Variants in ENTPD3 observed in about 807,000 individuals in gnomAD.
The protein encoded by ENTPD3 is CD39 antigen-like 3.
A neutral mutation model predicts 51.2 loss-of-function variants in ENTPD3; 60 were observed. That is an observed-to-expected ratio of 1.17 (90% CI 0.95 to 1.45). ENTPD3 has a LOEUF of 1.45. ENTPD3 is among the 40% of genes most tolerant of loss of function. The pLI is 0.00. For missense variants in ENTPD3, 593 were observed against 641.1 expected (o/e 0.93, Z 0.81); for synonymous variants, 221 against 238.4 (o/e 0.93, Z 0.67).
chr3:40,419,462 C>T (rs938475048), intron 7 of ENTPD3, among the ~76,000 whole-genome samples: 1 of 152,114 alleles, frequency 6.6e-6, no homozygotes, highest in African/African-American at 2.4e-5. Context: ...TGTTGTTCTA[C>T]TTGCAAAAGT....
At chr3:40,401,382 T>G (rs1023713558) in intron 4 of ENTPD3, among the ~76,000 whole-genome samples, 13 of 152,220 alleles carry the variant, frequency 8.5e-5, no homozygotes, top group African/African-American at 2.4e-4. Context: ...CAGCATTTTC[T>G]TATACTGGTT....
In ENTPD3 at chr3:40,427,592, T is replaced by TTGA; in HGVS notation, c.*84_*85insTGA. The stretch of plus-strand genomic sequence containing the variant: ...GGCAATGCAGGTGAAGTGGCTGCCT[T>TTGA]CAGGAAATACAACTAACTAAAATCA... On this transcript the variant is annotated 3_prime_UTR_variant, in exon 11 of 11. Coordinates refer to ENST00000301825, the MANE Select transcript of ENTPD3 (RefSeq NM_001248.4). The TTGA allele has an allele frequency of 9.8e-7, 1 of 1,017,926 alleles. No homozygotes were observed. Among genetic ancestry groups the TTGA allele is most frequent in the African/African-American group, 1.6e-5 (1 of 63,156 alleles). The allele number at this position is 1,017,926 out of a possible 1,614,324, so 63.1% of individuals were successfully genotyped here.
At chr3:40,408,332 T>C (rs1049170312) in intron 4 of ENTPD3, among the ~76,000 whole-genome samples, 3 of 152,244 alleles carry the variant, frequency 2.0e-5, no homozygotes, top group East Asian at 1.9e-4. Flanking sequence ...TAAAAACATA[T>C]ACTAAAGTGT....
intron 7 of ENTPD3, among the ~76,000 whole-genome samples, chr3:40,418,449 C>T (rs370785703): frequency 2.5e-4 from 38 of 152,092 alleles, no homozygotes; most frequent in African/African-American, 8.0e-4. Flanking sequence ...TAAGGAACTA[C>T]GTAGTGTGGT....
At chr3:40,390,958 T>G (rs931575020) in intron 2 of ENTPD3, 1 of 152,190 alleles carries the variant, frequency 6.6e-6, no homozygotes, top group South Asian at 2.1e-4. Context: ...GTACTAATTT[T>G]TTTATTTTTA....
rs1955469710 is a variant in ENTPD3 at position 40,405,479 on chromosome 3, TGGG to T, written c.286+4469_286+4471del. ...GAAATCATGCCACTGCACTCCAGCC[TGGG>T]TGACAGAGCGAGACTTCATTTCAAA... On this transcript the variant is annotated intron_variant, in intron 4 of 10. Transcript: ENST00000301825. Among the ~76,000 whole-genome samples, 4 of 150,536 alleles carry T rather than the reference TGGG, an allele frequency of 2.7e-5. No individual in the cohort carries two copies. In the South Asian group the frequency reaches 8.6e-4, roughly 32 times the overall value.
At chr3:40,416,340 G>T (rs1200858349) in intron 7 of ENTPD3, among the ~76,000 whole-genome samples, 1 of 152,268 alleles carries the variant, frequency 6.6e-6, no homozygotes, top group East Asian at 1.9e-4. Context: ...TTTTGTAAAT[G>T]ACTCAAGACC....
chr3:40,412,215 T>C (rs1201696611), intron 5 of ENTPD3, among the ~76,000 whole-genome samples: 1 of 152,156 alleles, frequency 6.6e-6, no homozygotes, highest in East Asian at 1.9e-4. Flanking sequence ...AAGAGAGAGG[T>C]CATATGAAAT....
Position 40,395,001 on chromosome 3 carries a change from T to C in ENTPD3, c.168+2851T>C, listed in dbSNP as rs191607324. The stretch of plus-strand genomic sequence containing the variant: ...AAGACTTCAGAATCTAGGGTCTTCG[T>C]GGACCTCCAGAAGGTGGACATCACC... On this transcript the variant is annotated intron_variant, in intron 3 of 10. Coordinates refer to ENST00000301825, the MANE Select transcript of ENTPD3 (RefSeq NM_001248.4). Among the ~76,000 whole-genome samples, 463 of 152,258 alleles carry C rather than the reference T, an allele frequency of 3.0e-3. 1 individual carries two copies. Among genetic ancestry groups the C allele is most frequent in the Middle Eastern group, 0.01 (3 of 294 alleles).
intron 4 of ENTPD3, 140 bp downstream of exon 4, chr3:40,401,151 G>A (rs183859179): frequency 4.3e-5 from 30 of 691,412 alleles, no homozygotes; most frequent in Non-Finnish European, 6.5e-5. Context: ...ATAGGAGATC[G>A]TGTGCTAGTG....
At chr3:40,426,541 T>C (rs1476344159) in intron 10 of ENTPD3, among the ~76,000 whole-genome samples, 1 of 152,186 alleles carries the variant, frequency 6.6e-6, no homozygotes, top group African/African-American at 2.4e-5. Flanking sequence ...GGACTAAACC[T>C]ACCAGTTAAA....
intron 7 of ENTPD3, among the ~76,000 whole-genome samples, chr3:40,416,749 C>T (rs1955757147): frequency 6.6e-6 from 1 of 152,176 alleles, no homozygotes; most frequent in African/African-American, 2.4e-5. Flanking sequence ...GCTCAGGGGA[C>T]ATCAATCTTA....
chr3:40,387,824 G>T (rs1409211068), intron 1 of ENTPD3, among the ~76,000 whole-genome samples: 2 of 152,198 alleles, frequency 1.3e-5, no homozygotes, highest in East Asian at 3.8e-4. Flanking sequence ...TGAAGTTTCA[G>T]CAAATCCATT....
intron 7 of ENTPD3, among the ~76,000 whole-genome samples, chr3:40,418,861 C>T (rs4973998): frequency 0.25 from 38,075 of 151,732 alleles, 5,772 homozygotes; most frequent in East Asian, 0.48. Context: ...TTTTAAAATA[C>T]GATTTTTTAT....
intron 4 of ENTPD3, among the ~76,000 whole-genome samples, chr3:40,411,156 T>C (rs1955619802): frequency 6.6e-6 from 1 of 151,468 alleles, no homozygotes; most frequent in South Asian, 2.1e-4. Context: ...CCAGGCGTGG[T>C]GGTGCACGCC....
At chr3:40,419,672 G>T (rs1955820605) in intron 7 of ENTPD3, among the ~76,000 whole-genome samples, 1 of 152,150 alleles carries the variant, frequency 6.6e-6, no homozygotes, top group African/African-American at 2.4e-5. Flanking sequence ...TTCTTGGCTT[G>T]TATCCTTCAA....
chr3:40,392,119 A>T lies in ENTPD3; in HGVS notation c.137A>T (p.His46Leu). 1 of 1,614,206 alleles carries T rather than the reference A, an allele frequency of 6.2e-7. No individual in the cohort carries two copies. The highest frequency in any genetic ancestry group is 8.5e-7 in the Non-Finnish European group (1 of 1,180,034). ...VLVSITVIQI[H>L]KQEVLPPGLK... Reference sequence around the variant, plus strand: ...GTGAGTATCACTGTCATCCAGATCCACAAGCAAGAGGTCCTCCCTCCAGGA... The same window carrying T: ...GTGAGTATCACTGTCATCCAGATCCTCAAGCAAGAGGTCCTCCCTCCAGGA... Residue 46 changes from histidine (H) to leucine (L), a missense_variant, in exon 3 of 11, where the codon CAC becomes CTC. Physicochemically the swap from His to Leu is moderately conservative, Grantham distance 99 (BLOSUM62 -3). Coordinates refer to ENST00000301825, the MANE Select transcript of ENTPD3 (RefSeq NM_001248.4).
Position 40,423,333 on chromosome 3 carries a change from T to G in ENTPD3, c.1147T>G (p.Ser383Ala), listed in dbSNP as rs1559519331. The change falls in exon 9 of 11, where the codon TCA (serine) becomes GCA (alanine). Residue 383 changes from serine to alanine, a missense_variant. Ser to Ala is a moderately conservative substitution (Grantham distance 99, BLOSUM62 1). Coordinates refer to ENST00000301825, the MANE Select transcript of ENTPD3 (RefSeq NM_001248.4). ...CTACACAGCCAGTGCTTTAAATCTTTCAGGTAGCTTTTCCCTGGACACCTT... is the reference window on the plus strand; with the variant it reads ...CTACACAGCCAGTGCTTTAAATCTTGCAGGTAGCTTTTCCCTGGACACCTT... ...FYYTASALNL[S>A]GSFSLDTFNS... The G allele has an allele frequency of 1.2e-6, 2 of 1,614,132 alleles. No homozygotes were observed. The highest frequency in any genetic ancestry group is 8.5e-7 in the Non-Finnish European group (1 of 1,179,992).
At chr3:40,388,989 A>G (rs891880162) in intron 2 of ENTPD3, among the ~76,000 whole-genome samples, 1 of 152,276 alleles carries the variant, frequency 6.6e-6, no homozygotes, top group Admixed American at 6.5e-5. Context: ...ATGCCCCTAA[A>G]TTGGGTATTC....
Sources: allele counts gnomAD v4.1 joint callset (sites outside exome capture counted in the v4.1 genomes callset), GRCh38; gene constraint gnomAD v4.1.1; transcripts MANE v1.5; gene names NCBI Gene and HGNC (gene_info 2026-07-23, HGNC 2026-07-21).